Variants in SPTLC2 observed in about 807,000 individuals in gnomAD.
The protein encoded by SPTLC2 is serine palmitoyltransferase long chain base subunit 2, also known as serine palmitoyltransferase 2.
SPTLC2 carries 21 observed loss-of-function variants against 62.0 expected under a neutral mutation model. The ratio of observed to expected loss-of-function variants is 0.34; its 90% CI spans 0.24 to 0.49. The LOEUF (loss-of-function observed/expected upper bound fraction) is 0.49. SPTLC2 is among the 20% of genes least tolerant of loss of function. SPTLC2 has a pLI of 0.99. For missense variants in SPTLC2, 511 were observed against 713.0 expected, an observed-to-expected ratio of 0.72 and a Z score of 3.23; for synonymous variants, 261 against 261.8, an observed-to-expected ratio of 1.00 and a Z score of 0.03.
chr14:77,555,859 T>C (rs938771635), intron 7 of SPTLC2, among the ~76,000 whole-genome samples: 2 of 152,030 alleles, frequency 1.3e-5, no homozygotes, highest in African/African-American at 4.8e-5. Flanking sequence ...CCTCAAGTGA[T>C]ACACCCGCCT....
intron 2 of SPTLC2, among the ~76,000 whole-genome samples, chr14:77,590,357 G>C (rs2079809148): frequency 6.6e-6 from 1 of 152,204 alleles, no homozygotes; most frequent in Non-Finnish European, 1.5e-5. Flanking sequence ...AAACAAAAAG[G>C]TAATAATCCT....
chr14:77,531,538 A>C (rs1189698089), intron 9 of SPTLC2, among the ~76,000 whole-genome samples: 3 of 115,356 alleles, frequency 2.6e-5, no homozygotes, highest in Non-Finnish European at 5.0e-5. Flanking sequence ...TTTGTGATGG[A>C]GTTTTGCTTT....
intron 5 of SPTLC2, among the ~76,000 whole-genome samples, 182 bp downstream of exon 5, chr14:77,570,202 G>A (rs543583706): frequency 3.8e-5 from 4 of 105,656 alleles, no homozygotes; most frequent in Non-Finnish European, 7.3e-5. Context: ...CAGCCTGGGC[G>A]AAAGAACAAG....
At chr14:77,615,692 G>A (rs914796792) in intron 1 of SPTLC2, among the ~76,000 whole-genome samples, 1 of 152,236 alleles carries the variant, frequency 6.6e-6, no homozygotes, top group Non-Finnish European at 1.5e-5. Flanking sequence ...AGAACTGCCT[G>A]AACTTGGTTG....
intron 2 of SPTLC2, among the ~76,000 whole-genome samples, chr14:77,588,598 A>C (rs1267780919): frequency 6.6e-6 from 1 of 151,932 alleles, no homozygotes. Context: ...CAAGAAGCTG[A>C]GGTGGGAGAA....
intron 9 of SPTLC2, among the ~76,000 whole-genome samples, chr14:77,550,101 T>C (rs1322719338): frequency 6.6e-6 from 1 of 152,250 alleles, no homozygotes; most frequent in Non-Finnish European, 1.5e-5. Context: ...ATAGCTGTTA[T>C]TAACAGGGAG....
chr14:77,569,142 T>C (rs913261643), intron 5 of SPTLC2, among the ~76,000 whole-genome samples: 1 of 152,350 alleles, frequency 6.6e-6, no homozygotes, highest in East Asian at 1.9e-4. Context: ...AAATATTTCT[T>C]GCTCTGAAAT....
At chr14:77,562,347 G>T in intron 6 of SPTLC2, 49 bp downstream of exon 6, 2 of 1,540,056 alleles carry the variant, frequency 1.3e-6, no homozygotes, top group South Asian at 2.2e-5. Context: ...ACCATGGATC[G>T]AAAGAATAGC....
chr14:77,591,923 C>T (rs2079820026), intron 2 of SPTLC2, among the ~76,000 whole-genome samples: 1 of 152,058 alleles, frequency 6.6e-6, no homozygotes, highest in African/African-American at 2.4e-5. Context: ...CCGGGTTTCA[C>T]CATGTTGGTC....
chr14:77,522,153 CT>C (rs1408758875), intron 9 of SPTLC2, among the ~76,000 whole-genome samples: 2 of 151,952 alleles, frequency 1.3e-5, no homozygotes, highest in East Asian at 3.8e-4. Flanking sequence ...CCTTACAATT[CT>C]TTTTTTCTTT....
chr14:77,533,794 C>T (rs893126504), intron 9 of SPTLC2, among the ~76,000 whole-genome samples: 2 of 152,116 alleles, frequency 1.3e-5, no homozygotes, highest in African/African-American at 4.8e-5. Context: ...AAAAATATTC[C>T]TAAGTCTCTG....
chr14:77,581,405 CTTTTTTTTT>C (rs1159561282), intron 2 of SPTLC2, among the ~76,000 whole-genome samples: 4 of 94,008 alleles, frequency 4.3e-5, no homozygotes, highest in African/African-American at 8.0e-5. Context: ...TACCATCTCT[CTTTTTTTTT>C]TTTTTTTTTT....
chr14:77,519,532 C>A (rs1442415106), intron 10 of SPTLC2, among the ~76,000 whole-genome samples: 6 of 152,000 alleles, frequency 3.9e-5, no homozygotes, highest in Non-Finnish European at 5.9e-5. Context: ...GCCTGGCCAA[C>A]ATGGTTAGAC....
At position 77,521,471 on chromosome 14, in the gene SPTLC2, T is replaced by A. The variant is rs550141986; in HGVS notation, c.1414A>T (p.Met472Leu). The change falls in exon 10 of 12, where the codon ATG (methionine) becomes TTG (leucine). Residue 472 changes from methionine (M) to leucine (L), a missense_variant. Transcript: ENST00000216484. ...GNEDSPVVPL[M>L]LYMPAKIGAF... is the part of the protein sequence containing the mutation. The stretch of plus-strand genomic sequence containing the variant: ...CCAATTTTGGCAGGCATGTAGAGCA[T>A]CAAAGGCACTACTGGAGAGTCTTCA... The A allele has an allele frequency of 6.2e-7, 1 of 1,614,146 alleles. No homozygotes were observed. The highest frequency in any genetic ancestry group is 1.1e-5 in the South Asian group (1 of 91,082).
intron 4 of SPTLC2, among the ~76,000 whole-genome samples, chr14:77,575,667 G>T (rs1380474845): frequency 1.3e-5 from 2 of 152,188 alleles, no homozygotes; most frequent in African/African-American, 2.4e-5. Context: ...GAATGGCTAG[G>T]ATCACAAGCA....
At chr14:77,522,789 T>C (rs2079391045) in intron 9 of SPTLC2, among the ~76,000 whole-genome samples, 1 of 152,240 alleles carries the variant, frequency 6.6e-6, no homozygotes, top group Admixed American at 6.5e-5. Flanking sequence ...TTTTCATATA[T>C]AGATTATAAA....
chr14:77,520,365 C>T (rs1029503891), intron 10 of SPTLC2, among the ~76,000 whole-genome samples: 1 of 152,206 alleles, frequency 6.6e-6, no homozygotes, highest in African/African-American at 2.4e-5. Context: ...CACATTACTT[C>T]CAGGTTCCCT....
chr14:77,573,705 G>GC (rs1338707897), intron 4 of SPTLC2, among the ~76,000 whole-genome samples: 4 of 151,856 alleles, frequency 2.6e-5, no homozygotes, highest in African/African-American at 7.2e-5. Context: ...TCGGCTCACT[G>GC]CAACTTCTGC....
intron 5 of SPTLC2, among the ~76,000 whole-genome samples, chr14:77,567,745 T>G (rs2079653303): frequency 6.6e-6 from 1 of 152,242 alleles, no homozygotes; most frequent in Non-Finnish European, 1.5e-5. Context: ...TCATTAATTT[T>G]TGCATTTATC....
Sources: allele counts gnomAD v4.1 joint callset (sites outside exome capture counted in the v4.1 genomes callset), GRCh38; gene constraint gnomAD v4.1.1; transcripts MANE v1.5; gene names NCBI Gene and HGNC (gene_info 2026-07-23, HGNC 2026-07-21).